Variants in CCDC40 observed in about 807,000 individuals in gnomAD.
CCDC40 encodes coiled-coil domain-containing protein 40.
In CCDC40, 104 loss-of-function variants were observed where a neutral mutation model predicts 124.5. That is an observed-to-expected ratio of 0.84 (90% CI 0.71 to 0.98). The LOEUF is 0.98. Ranked by LOEUF, CCDC40 falls within the 50% of genes least tolerant of loss-of-function variation. CCDC40 has a pLI of 0.00. For missense variants in CCDC40, 1,463 were observed against 1,503.9 expected (o/e 0.97, Z 0.45); for synonymous variants, 580 against 602.9 (o/e 0.96, Z 0.56).
intron 16 of CCDC40, among the ~76,000 whole-genome samples, chr17:80,089,128 GCT>G (rs1210346173): frequency 1.3e-5 from 2 of 152,252 alleles, no homozygotes; most frequent in African/African-American, 4.8e-5. Context: ...TTCTTGTTTT[GCT>G]CTGTTTTTTA....
chr17:80,045,156 C>T (rs556836270), intron 3 of CCDC40, among the ~76,000 whole-genome samples: 8 of 152,326 alleles, frequency 5.3e-5, no homozygotes, highest in South Asian at 2.1e-4. Flanking sequence ...CAGAGACAGC[C>T]GGCGCCGAAC....
At position 80,100,548 on chromosome 17, in the gene CCDC40, A is replaced by G. The variant is rs1421310710; in HGVS notation, c.*773A>G. 1 of 152,092 alleles carries G rather than the reference A, an allele frequency of 6.6e-6. No individual in the cohort carries two copies. The highest frequency in any genetic ancestry group is 2.4e-5 in the African/African-American group (1 of 41,386). 9.4% of individuals were successfully genotyped at this position (152,092 alleles called of 1,614,324 possible). A position where few individuals can be genotyped will look rare whatever the true frequency, so the allele number is the denominator to read the frequency against. ...TTGCAGTTTAAAGGGAAAATGCTCTACAAAATAATTTCACTTTCAAACATT... is the reference window on the plus strand; with the variant it reads ...TTGCAGTTTAAAGGGAAAATGCTCTGCAAAATAATTTCACTTTCAAACATT... On this transcript the variant is annotated 3_prime_UTR_variant, in exon 20 of 20. Coordinates refer to ENST00000397545, the MANE Select transcript of CCDC40 (RefSeq NM_017950.4).
At chr17:80,090,685 C>T (rs2038708467) in intron 17 of CCDC40, 1 of 1,427,714 alleles carries the variant, frequency 7.0e-7, no homozygotes, top group Non-Finnish European at 9.1e-7. Flanking sequence ...TCCATGGTCA[C>T]AATTAGATTT....
Position 80,087,260 on chromosome 17 carries a change from C to A in CCDC40, c.2450-347C>A. ...AGACTCACAGTGTCTGAGCATCAAC[C>A]AGGTCCCGGTGCTCCACAGATTTGC... On this transcript the variant is annotated intron_variant, in intron 14 of 19. Transcript: ENST00000397545. This position sits in a 1 kb window ranked among gnomAD's most constrained non-coding sequence, Gnocchi z 4.5. The A allele has an allele frequency of 2.6e-6, 1 of 389,086 alleles. No individual in the cohort carries two copies. Among genetic ancestry groups the A allele is most frequent in the Non-Finnish European group, 4.9e-6 (1 of 203,942 alleles). 24.1% of individuals were successfully genotyped at this position (389,086 alleles called of 1,614,324 possible).
At position 80,047,316 on chromosome 17, in the gene CCDC40, C is replaced by A. The variant is rs771364741; in HGVS notation, c.590C>A (p.Pro197Gln). 2.0e-5 allele frequency: 33 copies of A among 1,613,638 alleles called. No homozygotes were observed. Among genetic ancestry groups the A allele is most frequent in the Non-Finnish European group, 2.5e-5 (30 of 1,179,712 alleles). The change falls in exon 4 of 20, where the codon CCA becomes CAA. Residue 197 changes from proline to glutamine, a missense_variant. Physicochemically the swap from Pro to Gln is moderately conservative, Grantham distance 76. Transcript: ENST00000397545. ...GAGGAGCCCCAGGGGCAGGTGCTCC[C>A]AATGGGCGTCCAGCACCGCTTCCGG... The part of the protein sequence containing the change: ...STEEPQGQVL[P>Q]MGVQHRFRLS...
intron 10 of CCDC40, among the ~76,000 whole-genome samples, chr17:80,069,643 C>A (rs1002637449): frequency 6.6e-6 from 1 of 152,126 alleles, no homozygotes; most frequent in Admixed American, 6.5e-5. Context: ...CCCAGCTACT[C>A]AGGAGGCTGA....
chr17:80,092,678 A>G (rs949350885), intron 17 of CCDC40, among the ~76,000 whole-genome samples: 1 of 151,986 alleles, frequency 6.6e-6, no homozygotes, highest in East Asian at 2.0e-4. Context: ...TGGTGCAATC[A>G]TGGCTCACTG....
At position 80,086,306 on chromosome 17, in the gene CCDC40, C is replaced by T. The variant is rs930227489; in HGVS notation, c.2449+90C>T. On this transcript the variant is annotated intron_variant, in intron 14 of 19. Transcript: ENST00000397545. This position sits in a 1 kb window ranked among gnomAD's most constrained non-coding sequence, Gnocchi z 5.5. ...CAGGGGAGGGGCACTCAGTGGGGCACGTCGCTGGATTTGCACGCAGCCTTA... is the reference window on the plus strand; with the variant it reads ...CAGGGGAGGGGCACTCAGTGGGGCATGTCGCTGGATTTGCACGCAGCCTTA... The T allele has an allele frequency of 1.1e-5, 12 of 1,070,098 alleles. No homozygotes were observed. The Middle Eastern group carries it at 2.0e-3, about 180-fold the overall frequency. 66.3% of individuals were successfully genotyped at this position (1,070,098 alleles called of 1,614,324 possible). A position where few individuals can be genotyped will look rare whatever the true frequency, so the allele number is the denominator to read the frequency against.
At chr17:80,065,054 CT>C (rs2038002041) in intron 9 of CCDC40, among the ~76,000 whole-genome samples, 1 of 121,372 alleles carries the variant, frequency 8.2e-6, no homozygotes, top group Non-Finnish European at 1.8e-5. Context: ...CCCCCTCCCC[CT>C]CCTCCCTCTC....
chr17:80,066,419 G>C lies in CCDC40; in HGVS notation c.1562+813G>C. ...AAATGAAACCATTTTGTTTTTAAAA[G>C]TTTTTAGACCAAAACATTTTCAAAT... is the stretch of plus-strand genomic sequence containing the variant. On this transcript the variant is annotated intron_variant, in intron 10 of 19. Coordinates refer to ENST00000397545, the MANE Select transcript of CCDC40 (RefSeq NM_017950.4). The surrounding 1 kb of genome is among the most constrained non-coding windows in gnomAD (Gnocchi z 4.4). The C allele has an allele frequency of 1.9e-6, 1 of 533,470 alleles. No individual in the cohort carries two copies. Among genetic ancestry groups the C allele is most frequent in the South Asian group, 2.5e-5 (1 of 40,336 alleles). The allele number at this position is 533,470 out of a possible 1,614,324, so 33.0% of individuals were successfully genotyped here.
chr17:80,093,516 CTCT>C (rs954509437), intron 17 of CCDC40, among the ~76,000 whole-genome samples: 1 of 149,128 alleles, frequency 6.7e-6, no homozygotes, highest in African/African-American at 2.5e-5. Flanking sequence ...TTTCTTATTT[CTCT>C]TTTTTTTTTT....
At chr17:80,043,332 A>C (rs1295120583) in intron 3 of CCDC40, among the ~76,000 whole-genome samples, 2 of 152,114 alleles carry the variant, frequency 1.3e-5, no homozygotes, top group African/African-American at 4.8e-5. Flanking sequence ...AGAAGTTATC[A>C]CTTGGGTGCT....
At chr17:80,068,993 TCCG>T (rs2038120691) in intron 10 of CCDC40, among the ~76,000 whole-genome samples, 1 of 152,206 alleles carries the variant, frequency 6.6e-6, no homozygotes, top group Non-Finnish European at 1.5e-5. Context: ...TCATGGCCTG[TCCG>T]TCCACATGGG....
At chr17:80,046,803 A>G (rs1315357776) in intron 3 of CCDC40, among the ~76,000 whole-genome samples, 3 of 152,078 alleles carry the variant, frequency 2.0e-5, no homozygotes, top group African/African-American at 7.2e-5. Context: ...TCAATAAGAA[A>G]ATGTCTTCCC....
intron 17 of CCDC40, among the ~76,000 whole-genome samples, chr17:80,093,873 G>A (rs1177106406): frequency 2.6e-5 from 4 of 152,076 alleles, no homozygotes; most frequent in Non-Finnish European, 4.4e-5. Flanking sequence ...ATTAACCCCT[G>A]TCTTCAATAC....
rs2038591907 is a variant in CCDC40 at position 80,086,498 on chromosome 17, C to A, written c.2449+282C>A. Reference sequence around the variant, plus strand: ...TTGAGAGAGGAGCATGGAAGGTTATCATCCCCGCCAAGCCAGGGCACTCAG... The same window carrying A: ...TTGAGAGAGGAGCATGGAAGGTTATAATCCCCGCCAAGCCAGGGCACTCAG... On this transcript the variant is annotated intron_variant, in intron 14 of 19. Coordinates refer to ENST00000397545, the MANE Select transcript of CCDC40 (RefSeq NM_017950.4). This position sits in a 1 kb window ranked among gnomAD's most constrained non-coding sequence, Gnocchi z 5.5. 1 of 415,018 alleles carries A rather than the reference C, an allele frequency of 2.4e-6. No homozygotes were observed. The allele number at this position is 415,018 out of a possible 1,614,324, so 25.7% of individuals were successfully genotyped here. A position where few individuals can be genotyped will look rare whatever the true frequency, so the allele number is the denominator to read the frequency against.
chr17:80,072,984 TTTTGTTTGTTTGTTTG>T (rs57139196), intron 10 of CCDC40, among the ~76,000 whole-genome samples: 4 of 148,856 alleles, frequency 2.7e-5, no homozygotes, highest in Admixed American at 6.7e-5. Flanking sequence ...GTGGAATCGC[TTTTGTTTGTTTGTTTG>T]TTTGTTTGTT....
intron 10 of CCDC40, among the ~76,000 whole-genome samples, chr17:80,071,207 G>A (rs2038178261): frequency 6.6e-6 from 1 of 152,180 alleles, no homozygotes; most frequent in Non-Finnish European, 1.5e-5. Context: ...CTGGGACTTG[G>A]AGCCAAAAGC....
chr17:80,071,266 A>C (rs534234186), intron 10 of CCDC40, among the ~76,000 whole-genome samples: 1 of 152,310 alleles, frequency 6.6e-6, no homozygotes, highest in East Asian at 1.9e-4. Context: ...GGAAATACAG[A>C]GGGCAGACAG....
Sources: allele counts gnomAD v4.1 joint callset (sites outside exome capture counted in the v4.1 genomes callset), GRCh38; gene constraint gnomAD v4.1.1; non-coding constraint Gnocchi (gnomAD v3.1); transcripts MANE v1.5; gene names NCBI Gene and HGNC (gene_info 2026-07-23, HGNC 2026-07-21).